The following TBC1D21 variants were observed in gnomAD, a reference collection of about 807,000 sequenced individuals.
TBC1D21 encodes the protein male germ cell Rab GTPase-activating protein.
A neutral mutation model predicts 46.0 loss-of-function variants in TBC1D21; 38 were observed. That is an observed-to-expected ratio of 0.83 (90% CI 0.64 to 1.08). The LOEUF (loss-of-function observed/expected upper bound fraction) is 1.08, where lower values mean the gene tolerates loss of function less well. TBC1D21 is among the 50% of genes least tolerant of loss of function. The probability of loss-of-function intolerance (pLI) is 0.00; values close to 1 mark genes in which losing one functional copy is unlikely to be tolerated. For missense variants in TBC1D21, 415 were observed against 417.9 expected, an observed-to-expected ratio of 0.99 and a Z score of 0.06; for synonymous variants, 151 against 157.2, an observed-to-expected ratio of 0.96 and a Z score of 0.29.
downstream of TBC1D21, among the ~76,000 whole-genome samples, chr15:73,893,276 C>T (rs2068351435): frequency 6.6e-6 from 1 of 152,088 alleles, no homozygotes; most frequent in Admixed American, 6.5e-5. Context: ...CTAATTCATT[C>T]TGAAAAAACT....
At chr15:73,892,586 T>C (rs552644776), downstream of TBC1D21, among the ~76,000 whole-genome samples, 1 of 152,348 alleles carries the variant, frequency 6.6e-6, no homozygotes, top group African/African-American at 2.4e-5. Context: ...CATACCAGCA[T>C]CTGGAGCTGC....
At chr15:73,889,459 C>A (rs1176427235), downstream of TBC1D21, among the ~76,000 whole-genome samples, 1 of 152,176 alleles carries the variant, frequency 6.6e-6, no homozygotes, top group Non-Finnish European at 1.5e-5. Context: ...GGCTTCCAGA[C>A]CCCTGTGGAG....
the TBC1D21 span, among the ~76,000 whole-genome samples, chr15:73,898,142 G>T: frequency 6.6e-6 from 1 of 152,234 alleles, no homozygotes; most frequent in Admixed American, 6.5e-5. Context: ...TGGGTTCTCG[G>T]TCTCCAACCC....
intron 9 of TBC1D21, among the ~76,000 whole-genome samples, chr15:73,888,041 G>T (rs958331408): frequency 1.3e-5 from 2 of 152,310 alleles, no homozygotes; most frequent in African/African-American, 4.8e-5. Context: ...CCATCTCGCA[G>T]TTAACCCTGT....
downstream of TBC1D21, among the ~76,000 whole-genome samples, chr15:73,892,895 G>C (rs562150348): frequency 9.8e-5 from 15 of 152,330 alleles, no homozygotes; most frequent in African/African-American, 3.6e-4. Context: ...GATGGTGATG[G>C]TGATGTCGGC....
In TBC1D21 at chr15:73,884,259, G is replaced by A. The variant is rs1458506663; in HGVS notation, c.367+14G>A. The A allele has an allele frequency of 6.2e-7, 1 of 1,612,886 alleles. No individual in the cohort carries two copies. Among genetic ancestry groups the A allele is most frequent in the Admixed American group, 1.7e-5 (1 of 60,028 alleles). ...GCAATAACATTGGTGAGCAAAGTGG[G>A]GTGGAGAGGGCTGGGCAGAGGGAGG... On this transcript the variant is annotated intron_variant, in intron 4 of 10. Transcript: ENST00000300504.
chr15:73,905,267 T>C, the TBC1D21 span, among the ~76,000 whole-genome samples: 1 of 152,250 alleles, frequency 6.6e-6, no homozygotes, highest in Non-Finnish European at 1.5e-5. Context: ...TAATGCATTG[T>C]CCAATTACTC....
At chr15:73,881,846 C>A in intron 3 of TBC1D21, 99 bp downstream of exon 3, 1 of 1,118,552 alleles carries the variant, frequency 8.9e-7, no homozygotes, top group Non-Finnish European at 1.3e-6. Context: ...CATGCAACTT[C>A]TTATTCCGAG....
At chr15:73,876,400 GTTTTTTTT>G (rs71137360) in intron 1 of TBC1D21, among the ~76,000 whole-genome samples, 1 of 131,608 alleles carries the variant, frequency 7.6e-6, no homozygotes, top group Non-Finnish European at 1.6e-5. Flanking sequence ...GGTAATTTTT[GTTTTTTTT>G]TTTTTGTATT....
chr15:73,874,619 G>A (rs1036242718), intron 1 of TBC1D21, among the ~76,000 whole-genome samples: 1 of 152,166 alleles, frequency 6.6e-6, no homozygotes, highest in African/African-American at 2.4e-5. Context: ...ACCCAGACAG[G>A]TGGGGTGCAA....
chr15:73,898,863 C>CAAAAAAAAAAAAAAAAAAAAA, the TBC1D21 span, among the ~76,000 whole-genome samples: 1 of 24,106 alleles, frequency 4.1e-5, no homozygotes, highest in East Asian at 1.6e-3. Context: ...GACTCCATCT[C>CAAAAAAAAAAAAAAAAAAAAA]AAAAAAAAAA....
At chr15:73,889,460 C>A (rs2068318479), downstream of TBC1D21, among the ~76,000 whole-genome samples, 1 of 152,156 alleles carries the variant, frequency 6.6e-6, no homozygotes, top group South Asian at 2.1e-4. Context: ...GCTTCCAGAC[C>A]CCTGTGGAGG....
intron 6 of TBC1D21, 38 bp downstream of exon 6, chr15:73,885,141 A>G: frequency 6.4e-7 from 1 of 1,558,420 alleles, no homozygotes; most frequent in South Asian, 1.1e-5. Context: ...GCCCCTCCCC[A>G]ACCCCCCACT....
At chr15:73,881,326 C>T (rs1254341559) in intron 1 of TBC1D21, 73 bp from the exon 2 acceptor site, 5 of 1,129,910 alleles carry the variant, frequency 4.4e-6, no homozygotes, top group South Asian at 2.7e-5. Context: ...AAGTCCAGAA[C>T]ATATTATTTA....
At chr15:73,876,496 G>A (rs1164198017) in intron 1 of TBC1D21, among the ~76,000 whole-genome samples, 1 of 151,114 alleles carries the variant, frequency 6.6e-6, no homozygotes, top group Non-Finnish European at 1.5e-5. Flanking sequence ...ACCCGCCTCG[G>A]CCTCCCAAAG....
intron 6 of TBC1D21, among the ~76,000 whole-genome samples, chr15:73,885,482 A>C (rs924987928): frequency 6.6e-6 from 1 of 152,110 alleles, no homozygotes; most frequent in Non-Finnish European, 1.5e-5. Flanking sequence ...AACCTTAGCC[A>C]GTCATTCAGG....
At position 73,877,553 on chromosome 15, in the gene TBC1D21, A is replaced by AACAC. The variant is rs138617669; in HGVS notation, c.60+3785_60+3786insCACA. Among the ~76,000 whole-genome samples the AACAC allele has an allele frequency of 1.2e-4, 11 of 89,210 alleles. 2 individuals are homozygous for AACAC. Among genetic ancestry groups the AACAC allele is most frequent in the South Asian group, 8.4e-4 (2 of 2,372 alleles). The allele number at this position is 89,210 out of a possible 152,430, so 58.5% of individuals were successfully genotyped here. The stretch of plus-strand genomic sequence containing the variant: ...AAAAAAAAAAAAAAAAAAAAAAAGA[A>AACAC]ATCCCTACTCATTTTATGAGGCCAA... On this transcript the variant is annotated intron_variant, in intron 1 of 10. Coordinates refer to ENST00000300504, the MANE Select transcript of TBC1D21 (RefSeq NM_153356.3).
At chr15:73,889,313 G>C (rs2068316826), downstream of TBC1D21, 2 of 570,978 alleles carry the variant, frequency 3.5e-6, no homozygotes, top group Admixed American at 5.5e-5. Context: ...GGCTGGCTGA[G>C]AGACACATTC....
chr15:73,880,480 T>C (rs1449263338), intron 1 of TBC1D21, among the ~76,000 whole-genome samples: 1 of 152,104 alleles, frequency 6.6e-6, no homozygotes, highest in Non-Finnish European at 1.5e-5. Context: ...ATTTTAAAAA[T>C]ACAAGAAAGG....
Sources: gnomAD v4.1 joint callset for allele counts (sites outside exome capture counted in the v4.1 genomes callset) on GRCh38, gnomAD v4.1.1 for gene constraint, MANE v1.5 for transcripts, NCBI Gene and HGNC (gene_info 2026-07-23, HGNC 2026-07-21) for gene names.